Variants in LINGO1 observed in about 807,000 individuals in gnomAD.
The protein encoded by LINGO1 is leucine rich repeat and Ig domain containing 1.
A neutral mutation model predicts 37.3 loss-of-function variants in LINGO1; 11 were observed. That is an observed-to-expected ratio of 0.29 (90% CI 0.19 to 0.49). The LOEUF (loss-of-function observed/expected upper bound fraction) is 0.49. LINGO1 is among the 20% of genes least tolerant of loss of function. The pLI is 0.99. For synonymous variants in LINGO1, 387 were observed against 403.0 expected, an observed-to-expected ratio of 0.96 and a Z score of 0.48; for missense variants, 585 against 878.2, an observed-to-expected ratio of 0.67 and a Z score of 4.22.
chr15:77,797,804 GT>G lies in LINGO1; in HGVS notation c.-457-1752del, dbSNP rs557376833. ...GGGGCTCCAAGGTGACAGCTATAAT[GT>G]GGGCAGAAGATGGAAAAGCCCTCAG... is the stretch of plus-strand genomic sequence containing the variant. On this transcript the variant is annotated intron_variant, in intron 1 of 5. Transcript: ENST00000562933. Among the ~76,000 whole-genome samples the G allele has an allele frequency of 1.0e-3, 156 of 152,376 alleles. 1 individual carries two copies. The highest frequency in any genetic ancestry group is 3.7e-3 in the African/African-American group (152 of 41,588).
At chr15:77,619,414 C>T (rs2073848539) in intron 1 of LINGO1, among the ~76,000 whole-genome samples, 1 of 152,106 alleles carries the variant, frequency 6.6e-6, no homozygotes. Context: ...TGCAATCCCA[C>T]TGTTATCCCA....
At chr15:77,780,755 CAT>C (rs2076708426) in intron 1 of LINGO1, among the ~76,000 whole-genome samples, 1 of 152,082 alleles carries the variant, frequency 6.6e-6, no homozygotes, top group South Asian at 2.1e-4. Flanking sequence ...AGAGGTACCA[CAT>C]AACACTTGCT....
chr15:77,798,358 A>G (rs981158760), intron 1 of LINGO1, among the ~76,000 whole-genome samples: 1 of 152,196 alleles, frequency 6.6e-6, no homozygotes, highest in Non-Finnish European at 1.5e-5. Context: ...CCTCCAGACC[A>G]CCTGGCTGGC....
intron 1 of LINGO1, among the ~76,000 whole-genome samples, chr15:77,817,196 C>A (rs1033371620): frequency 2.6e-5 from 4 of 152,186 alleles, no homozygotes; most frequent in African/African-American, 9.7e-5. Context: ...TGACTCCAGG[C>A]TGCCAGCAGG....
At chr15:77,804,712 T>C (rs988163545) in intron 1 of LINGO1, among the ~76,000 whole-genome samples, 2 of 152,144 alleles carry the variant, frequency 1.3e-5, no homozygotes, top group African/African-American at 2.4e-5. Flanking sequence ...CACCCAGCAG[T>C]GGCCTGAGGC....
At chr15:77,730,604 C>T (rs1296002061) in intron 2 of LINGO1, among the ~76,000 whole-genome samples, 3 of 152,252 alleles carry the variant, frequency 2.0e-5, no homozygotes, top group Non-Finnish European at 4.4e-5. Flanking sequence ...CCTCTAGCTG[C>T]ACAGGCAGGC....
intron 2 of LINGO1, among the ~76,000 whole-genome samples, chr15:77,711,883 A>G (rs1461158536): frequency 2.7e-5 from 4 of 150,392 alleles, no homozygotes; most frequent in East Asian, 2.0e-4. Context: ...CTCTCCTCTG[A>G]GGGGGGGGCA....
rs867812564 is a variant in LINGO1 at position 77,808,646 on chromosome 15, A to G, written c.-458+11612T>C. 3.9e-5 allele frequency among the ~76,000 whole-genome samples: 6 copies of G among 152,116 alleles called. No homozygotes were observed. The South Asian group carries it at 8.3e-4, about 21-fold the overall frequency. On this transcript the variant is annotated intron_variant, in intron 1 of 5. Coordinates refer to the LINGO1 transcript ENST00000562933. Reference sequence around the variant, plus strand: ...ACAGACACAGCCTCCTGTAGAAGCAATGCTCCTATGTTCAAATGCCAGCTC... The same window carrying G: ...ACAGACACAGCCTCCTGTAGAAGCAGTGCTCCTATGTTCAAATGCCAGCTC...
chr15:77,746,877 AC>A (rs2076319539), intron 1 of LINGO1, among the ~76,000 whole-genome samples: 1 of 151,598 alleles, frequency 6.6e-6, no homozygotes, highest in Non-Finnish European at 1.5e-5. Context: ...TCCAGAGACC[AC>A]CCCCCACTCC....
chr15:77,798,637 C>T (rs775734008), intron 1 of LINGO1, among the ~76,000 whole-genome samples: 6 of 152,210 alleles, frequency 3.9e-5, no homozygotes, highest in Non-Finnish European at 5.9e-5. Flanking sequence ...ACGAGGTCTG[C>T]CAGTGTGCCA....
At chr15:77,720,196 C>T (rs987395446) in intron 2 of LINGO1, among the ~76,000 whole-genome samples, 12 of 135,702 alleles carry the variant, frequency 8.8e-5, no homozygotes, top group African/African-American at 3.0e-4. Context: ...CAGTCCCCCA[C>T]ATGTAATTTT....
intron 1 of LINGO1, among the ~76,000 whole-genome samples, chr15:77,618,067 T>C (rs2073789487): frequency 6.6e-6 from 1 of 152,094 alleles, no homozygotes; most frequent in African/African-American, 2.4e-5. Flanking sequence ...AGGCGATCAA[T>C]AAGTAATTGG....
chr15:77,695,157 G>C (rs990158039), intron 1 of LINGO1, among the ~76,000 whole-genome samples: 5 of 152,170 alleles, frequency 3.3e-5, no homozygotes, highest in African/African-American at 1.2e-4. Flanking sequence ...GAAACAGCTT[G>C]TAAGTGCTGG....
At chr15:77,683,157 G>C (rs900051619) in intron 2 of LINGO1, among the ~76,000 whole-genome samples, 8 of 152,236 alleles carry the variant, frequency 5.3e-5, no homozygotes, top group African/African-American at 1.9e-4. Flanking sequence ...GGGAGAAGCA[G>C]AGTGAGTGTG....
chr15:77,624,104 G>T (rs1176036957), intron 1 of LINGO1, among the ~76,000 whole-genome samples: 1 of 148,390 alleles, frequency 6.7e-6, no homozygotes, highest in Non-Finnish European at 1.5e-5. Flanking sequence ...TGATGTGTGT[G>T]TGTGGAGTGC....
intron 1 of LINGO1, among the ~76,000 whole-genome samples, chr15:77,770,155 A>G (rs1277520715): frequency 6.6e-6 from 1 of 152,164 alleles, no homozygotes; most frequent in Admixed American, 6.5e-5. Flanking sequence ...CTCACTCCAG[A>G]GCAGCAGGCT....
At chr15:77,639,977 C>A (rs989471395) in intron 3 of LINGO1, among the ~76,000 whole-genome samples, 17 of 152,320 alleles carry the variant, frequency 1.1e-4, no homozygotes, top group African/African-American at 4.1e-4. Flanking sequence ...CCCGCTCAAT[C>A]CTCTCAGCAA....
upstream of LINGO1, among the ~76,000 whole-genome samples, chr15:77,699,643 C>A: frequency 1.3e-5 from 2 of 149,090 alleles, no homozygotes; most frequent in East Asian, 4.0e-4. Context: ...ACATACTAAC[C>A]ATCATCTGCA....
At chr15:77,676,163 G>A (rs998008399) in intron 3 of LINGO1, among the ~76,000 whole-genome samples, 1 of 152,216 alleles carries the variant, frequency 6.6e-6, no homozygotes, top group Non-Finnish European at 1.5e-5. Flanking sequence ...GGGGGATCAG[G>A]AAATGCCCTT....
Sources: allele counts gnomAD v4.1 joint callset (sites outside exome capture counted in the v4.1 genomes callset), GRCh38; gene constraint gnomAD v4.1.1; transcripts MANE v1.5; gene names NCBI Gene and HGNC (gene_info 2026-07-23, HGNC 2026-07-21).